Variants in TRAPPC9 observed in about 807,000 individuals in gnomAD.
The protein encoded by TRAPPC9 is trafficking protein particle complex subunit 9, also known as IKK2 binding protein.
In TRAPPC9, 83 loss-of-function variants were observed where a neutral mutation model predicts 124.0. The ratio of observed to expected loss-of-function variants is 0.67; its 90% CI spans 0.56 to 0.80. TRAPPC9 has a LOEUF of 0.80. Ranked by LOEUF, TRAPPC9 falls within the 30% of genes least tolerant of loss-of-function variation. TRAPPC9 has a pLI of 0.00. For missense variants in TRAPPC9, 1,302 were observed against 1,508.3 expected (o/e 0.86, Z 2.27); for synonymous variants, 638 against 617.5 (o/e 1.03, Z -0.49).
chr8:139,773,505 G>C (rs982356210), intron 21 of TRAPPC9, among the ~76,000 whole-genome samples: 1 of 152,154 alleles, frequency 6.6e-6, no homozygotes, highest in Non-Finnish European at 1.5e-5. Flanking sequence ...AGTCCTCCCC[G>C]GTGGACGGAC....
chr8:140,294,187 G>A (rs965229556), intron 11 of TRAPPC9, among the ~76,000 whole-genome samples: 4 of 152,060 alleles, frequency 2.6e-5, no homozygotes, highest in Non-Finnish European at 5.9e-5. Context: ...CTCAGGTCTT[G>A]TCCTTCCCTC....
intron 15 of TRAPPC9, among the ~76,000 whole-genome samples, chr8:140,272,359 G>A (rs1033312785): frequency 5.3e-5 from 7 of 131,520 alleles, no homozygotes; most frequent in Non-Finnish European, 7.7e-5. Context: ...TGGAGAGAGT[G>A]GTGGTAGTGA....
intron 3 of TRAPPC9, among the ~76,000 whole-genome samples, chr8:140,437,678 T>G (rs980879744): frequency 6.6e-6 from 1 of 152,226 alleles, no homozygotes. Context: ...TCGTTAAACT[T>G]CTGTTACAGA....
intron 21 of TRAPPC9, among the ~76,000 whole-genome samples, chr8:139,793,897 G>A (rs1480977733): frequency 1.3e-5 from 2 of 152,124 alleles, no homozygotes; most frequent in Non-Finnish European, 2.9e-5. Flanking sequence ...GGACTGCAGG[G>A]CCACATGTCC....
chr8:140,456,116 A>C (rs926027850), intron 1 of TRAPPC9, among the ~76,000 whole-genome samples: 1 of 152,152 alleles, frequency 6.6e-6, no homozygotes, highest in Non-Finnish European at 1.5e-5. Context: ...ATATACTAAA[A>C]ATTACTGAAT....
intron 9 of TRAPPC9, among the ~76,000 whole-genome samples, chr8:140,347,307 C>T (rs952597559): frequency 1.3e-5 from 2 of 152,218 alleles, no homozygotes; most frequent in African/African-American, 4.8e-5. Flanking sequence ...CTGGATCCAG[C>T]AGCAGACACC....
At chr8:140,035,295 A>G (rs571933737) in intron 17 of TRAPPC9, among the ~76,000 whole-genome samples, 9 of 152,324 alleles carry the variant, frequency 5.9e-5, no homozygotes, top group African/African-American at 1.9e-4. Context: ...ATATTAGAGA[A>G]ATGTACTTGA....
chr8:140,303,846 G>T (rs755642440), intron 10 of TRAPPC9, among the ~76,000 whole-genome samples: 2 of 152,170 alleles, frequency 1.3e-5, no homozygotes, highest in African/African-American at 4.8e-5. Context: ...ACTAAGAAAG[G>T]CCTCAAGGGA....
intron 9 of TRAPPC9, among the ~76,000 whole-genome samples, chr8:140,336,758 T>C (rs551876823): frequency 1.1e-4 from 16 of 152,308 alleles, no homozygotes; most frequent in Admixed American, 3.3e-4. Context: ...TCTAAGTTGA[T>C]AGATAACCTC....
intron 21 of TRAPPC9, among the ~76,000 whole-genome samples, chr8:139,833,773 TC>T (rs749077755): frequency 1.7e-4 from 26 of 152,116 alleles, no homozygotes; most frequent in Non-Finnish European, 3.2e-4. Context: ...GGTGTGCCCG[TC>T]ATTGGACTGA....
intron 9 of TRAPPC9, among the ~76,000 whole-genome samples, chr8:140,327,003 G>A (rs1463899113): frequency 6.6e-6 from 1 of 152,202 alleles, no homozygotes; most frequent in Non-Finnish European, 1.5e-5. Flanking sequence ...TGTAATCCCA[G>A]CACTCTGGGA....
At chr8:140,134,163 A>G (rs1190747606) in intron 17 of TRAPPC9, among the ~76,000 whole-genome samples, 1 of 152,260 alleles carries the variant, frequency 6.6e-6, no homozygotes, top group Non-Finnish European at 1.5e-5. Context: ...AGCCACGGTA[A>G]TACAAACATT....
At chr8:140,324,828 A>C (rs1346666346) in intron 9 of TRAPPC9, among the ~76,000 whole-genome samples, 4 of 152,218 alleles carry the variant, frequency 2.6e-5, no homozygotes, top group Admixed American at 2.6e-4. Context: ...AACAATGATA[A>C]GGAAGATTTA....
At chr8:140,102,712 A>C (rs1222365595) in intron 17 of TRAPPC9, among the ~76,000 whole-genome samples, 1 of 152,230 alleles carries the variant, frequency 6.6e-6, no homozygotes, top group Non-Finnish European at 1.5e-5. Flanking sequence ...GAGCAGAGAC[A>C]AGTTTTTCAG....
At chr8:140,369,008 G>T (rs1340609900) in intron 8 of TRAPPC9, among the ~76,000 whole-genome samples, 3 of 152,180 alleles carry the variant, frequency 2.0e-5, no homozygotes, top group South Asian at 2.1e-4. Context: ...CATGGTGTGC[G>T]TGCCGTCCAT....
chr8:139,838,801 C>T (rs1360341105), intron 21 of TRAPPC9, among the ~76,000 whole-genome samples: 2 of 152,178 alleles, frequency 1.3e-5, no homozygotes, highest in South Asian at 2.1e-4. Flanking sequence ...GGCCTGATGT[C>T]CAGGGCTTGC....
intron 17 of TRAPPC9, among the ~76,000 whole-genome samples, chr8:140,024,709 A>G (rs566186650): frequency 4.0e-5 from 6 of 150,720 alleles, no homozygotes; most frequent in African/African-American, 9.8e-5. Context: ...GATGACAGGC[A>G]TGTGGGATGA....
chr8:139,842,954 C>T (rs934480671), intron 21 of TRAPPC9, among the ~76,000 whole-genome samples: 3 of 152,252 alleles, frequency 2.0e-5, no homozygotes. Flanking sequence ...AGGAACAGTA[C>T]GTGGCAGGCT....
intron 21 of TRAPPC9, among the ~76,000 whole-genome samples, chr8:139,867,417 A>T (rs1187693056): frequency 2.0e-5 from 3 of 152,240 alleles, no homozygotes; most frequent in Non-Finnish European, 1.5e-5. Flanking sequence ...AAATAAGCAC[A>T]TTTAAAGGTC....
Sources: gnomAD v4.1 joint callset for allele counts (sites outside exome capture counted in the v4.1 genomes callset) on GRCh38, gnomAD v4.1.1 for gene constraint, MANE v1.5 for transcripts, NCBI Gene and HGNC (gene_info 2026-07-23, HGNC 2026-07-21) for gene names.